The following KLRG2 variants were observed in gnomAD, a reference collection of about 807,000 sequenced individuals.
The protein encoded by KLRG2 is killer cell lectin like receptor G2.
A neutral mutation model predicts 35.4 loss-of-function variants in KLRG2; 39 were observed. The ratio of observed to expected loss-of-function variants is 1.10; its 90% CI spans 0.85 to 1.44. The LOEUF (loss-of-function observed/expected upper bound fraction) is 1.44. Among genes scored for constraint, KLRG2 ranks in the 40% most tolerant of loss-of-function variants. The pLI is 0.00. For missense variants in KLRG2, 632 were observed against 570.9 expected, an observed-to-expected ratio of 1.11 and a Z score of -1.09; for synonymous variants, 283 against 265.8, an observed-to-expected ratio of 1.06 and a Z score of -0.63.
At chr7:139,450,136 G>A (rs1429907658), downstream of KLRG2, among the ~76,000 whole-genome samples, 3 of 147,960 alleles carry the variant, frequency 2.0e-5, no homozygotes, top group Admixed American at 6.8e-5. Flanking sequence ...TCTGCCTCCC[G>A]GGTTCAAGCG....
intron 3 of KLRG2, among the ~76,000 whole-genome samples, chr7:139,472,655 AAC>A (rs574977031): frequency 2.9e-3 from 442 of 152,242 alleles, no homozygotes; most frequent in African/African-American, 0.01. Context: ...GGACAACTGT[AAC>A]AGCCTCATAG....
the KLRG2 span, among the ~76,000 whole-genome samples, chr7:139,433,799 C>A: frequency 6.6e-6 from 1 of 151,782 alleles, no homozygotes; most frequent in Non-Finnish European, 1.5e-5. Flanking sequence ...CTACACCAGG[C>A]TAATTTTTGT....
At chr7:139,459,127 T>C (rs1421166092) in intron 3 of KLRG2, among the ~76,000 whole-genome samples, 5 of 152,230 alleles carry the variant, frequency 3.3e-5, no homozygotes, top group Non-Finnish European at 7.3e-5. Context: ...TTTCAAATGA[T>C]TGATGCTGTA....
chr7:139,470,118 T>C (rs1281311016), intron 3 of KLRG2, among the ~76,000 whole-genome samples: 1 of 151,450 alleles, frequency 6.6e-6, no homozygotes, highest in African/African-American at 2.4e-5. Context: ...AATGCAGTGG[T>C]GTGATCTTGG....
chr7:139,428,375 C>T, the KLRG2 span, among the ~76,000 whole-genome samples: 1 of 152,032 alleles, frequency 6.6e-6, no homozygotes, highest in African/African-American at 2.4e-5. Flanking sequence ...TCCTGAATAG[C>T]CCTGCCCCCA....
At chr7:139,468,740 C>T (rs762856604) in intron 3 of KLRG2, among the ~76,000 whole-genome samples, 3 of 152,138 alleles carry the variant, frequency 2.0e-5, no homozygotes, top group Non-Finnish European at 2.9e-5. Flanking sequence ...GTTGGGATTC[C>T]GTAAGTGTGA....
In KLRG2 at chr7:139,453,283, A is replaced by C. The variant is rs2116420050; in HGVS notation, c.*304T>G. The C allele has an allele frequency of 2.1e-6, 1 of 478,964 alleles. No homozygotes were observed. The highest frequency in any genetic ancestry group is 3.6e-6 in the Non-Finnish European group (1 of 276,136). The allele number at this position is 478,964 out of a possible 1,614,324, so 29.7% of individuals were successfully genotyped here. On this transcript the variant is annotated 3_prime_UTR_variant, in exon 5 of 5. Coordinates refer to ENST00000340940, the MANE Select transcript of KLRG2 (RefSeq NM_198508.4). The stretch of plus-strand genomic sequence containing the variant: ...CTTTTTCCTCTAGGGGGAAATTGTC[A>C]TTTTAATGAAACCAAGGCACAGAAA...
intron 3 of KLRG2, among the ~76,000 whole-genome samples, chr7:139,473,209 A>T (rs769266619): frequency 6.6e-6 from 1 of 152,212 alleles, no homozygotes; most frequent in Non-Finnish European, 1.5e-5. Flanking sequence ...TGAACCTGTG[A>T]GGCAGAGGTT....
the KLRG2 span, among the ~76,000 whole-genome samples, chr7:139,446,238 G>A: frequency 1.3e-5 from 2 of 151,350 alleles, no homozygotes; most frequent in African/African-American, 4.8e-5. Flanking sequence ...GGGGAGGCCA[G>A]AAGTCTGCAG....
At chr7:139,445,767 GTA>G in the KLRG2 span, among the ~76,000 whole-genome samples, 5 of 89,604 alleles carry the variant, frequency 5.6e-5, no homozygotes, top group Non-Finnish European at 1.0e-4. Flanking sequence ...ATATGTGTAT[GTA>G]TATATATATA....
the KLRG2 span, among the ~76,000 whole-genome samples, chr7:139,433,212 G>C: frequency 2.6e-5 from 4 of 152,114 alleles, no homozygotes; most frequent in Non-Finnish European, 5.9e-5. Flanking sequence ...AAACAAAAAT[G>C]TTCCAGATTT....
At chr7:139,475,221 A>G (rs1027954308) in intron 3 of KLRG2, among the ~76,000 whole-genome samples, 1 of 152,154 alleles carries the variant, frequency 6.6e-6, no homozygotes, top group Non-Finnish European at 1.5e-5. Flanking sequence ...CATAGAGGCT[A>G]ACAGGAAGGT....
At chr7:139,447,404 T>A in the KLRG2 span, among the ~76,000 whole-genome samples, 1 of 140,468 alleles carries the variant, frequency 7.1e-6, no homozygotes, top group Non-Finnish European at 1.5e-5. Flanking sequence ...GGGTCATTCT[T>A]TTTTTTTTTT....
At chr7:139,477,907 C>T (rs145827256) in intron 3 of KLRG2, among the ~76,000 whole-genome samples, 455 of 151,990 alleles carry the variant, frequency 3.0e-3, no homozygotes, top group African/African-American at 0.01. Context: ...TACAGGCGCC[C>T]GCCACCGCGC....
At chr7:139,443,380 C>T in the KLRG2 span, among the ~76,000 whole-genome samples, 5 of 151,906 alleles carry the variant, frequency 3.3e-5, no homozygotes, top group East Asian at 9.7e-4. Flanking sequence ...GTCACTGGCA[C>T]CTGGCCAGGG....
chr7:139,463,372 A>G (rs898013284), intron 3 of KLRG2, among the ~76,000 whole-genome samples: 18 of 152,226 alleles, frequency 1.2e-4, no homozygotes, highest in African/African-American at 4.1e-4. Flanking sequence ...CCTCGCCTTC[A>G]AGGTGTACAA....
chr7:139,453,583 C>T lies in KLRG2; in HGVS notation c.*4G>A. 1 of 1,592,026 alleles carries T rather than the reference C, an allele frequency of 6.3e-7. No individual in the cohort carries two copies. The highest frequency in any genetic ancestry group is 8.6e-7 in the Non-Finnish European group (1 of 1,169,434). ...GGCAGGCTGAGGACCAGGCAGAGCC[C>T]AGATCACTGGGTCCCCTTGGCACAG... On this transcript the variant is annotated 3_prime_UTR_variant, in exon 5 of 5. Transcript: ENST00000340940.
At chr7:139,439,285 G>A in the KLRG2 span, among the ~76,000 whole-genome samples, 27 of 152,170 alleles carry the variant, frequency 1.8e-4, no homozygotes, top group Non-Finnish European at 4.4e-5. Flanking sequence ...GTGTGACTCC[G>A]CTTCTACGAA....
chr7:139,455,882 C>A (rs1222071245), intron 3 of KLRG2, among the ~76,000 whole-genome samples: 2 of 152,108 alleles, frequency 1.3e-5, no homozygotes, highest in Non-Finnish European at 2.9e-5. Flanking sequence ...ACTGGAAACT[C>A]CCCAAACGCT....
Sources: gnomAD v4.1 joint callset for allele counts (sites outside exome capture counted in the v4.1 genomes callset) on GRCh38, gnomAD v4.1.1 for gene constraint, MANE v1.5 for transcripts, NCBI Gene and HGNC (gene_info 2026-07-23, HGNC 2026-07-21) for gene names.